CAND1: variants seen among roughly 807,000 people sequenced by gnomAD.
CAND1 encodes cullin associated and neddylation dissociated 1.
Under a neutral mutation model 108.5 loss-of-function variants are expected in CAND1, and 7 were observed. That is an observed-to-expected ratio of 0.06 (90% CI 0.04 to 0.12). CAND1 has a LOEUF of 0.12. CAND1 is among the 10% of genes least tolerant of loss of function. The pLI, the probability that CAND1 is intolerant of heterozygous loss-of-function variation, is 1.00. For synonymous variants in CAND1, 534 were observed against 512.0 expected (o/e 1.04, Z -0.58); for missense variants, 941 against 1,448.7 (o/e 0.65, Z 5.69).
intron 9 of CAND1, 123 bp downstream of exon 9, chr12:67,304,869 C>G: frequency 1.4e-5 from 16 of 1,173,516 alleles, no homozygotes; most frequent in Non-Finnish European, 1.8e-5. Flanking sequence ...GCACATAGAG[C>G]TAACTTTTTA....
chr12:67,311,551 T>TCAAACCA, intron 13 of CAND1, 142 bp from the exon 14 acceptor site: 1 of 592,650 alleles, frequency 1.7e-6, no homozygotes, highest in Non-Finnish European at 3.0e-6. Flanking sequence ...CAAATCTGTC[T>TCAAACCA]GATTCTGATT....
At chr12:67,293,489 C>A (rs377517541) in intron 3 of CAND1, among the ~76,000 whole-genome samples, 2 of 152,212 alleles carry the variant, frequency 1.3e-5, no homozygotes, top group African/African-American at 4.8e-5. Context: ...CGAGGTGGCT[C>A]ACGCCTATAA....
chr12:67,295,988 T>C (rs1171825499), intron 4 of CAND1, among the ~76,000 whole-genome samples: 1 of 152,172 alleles, frequency 6.6e-6, no homozygotes, highest in Non-Finnish European at 1.5e-5. Context: ...TTTTGAAGAA[T>C]GGGTAGCCCT....
intron 2 of CAND1, among the ~76,000 whole-genome samples, chr12:67,286,989 C>T (rs978017081): frequency 1.3e-5 from 2 of 152,150 alleles, no homozygotes; most frequent in Non-Finnish European, 2.9e-5. Context: ...TTTTTAGATG[C>T]TGTTTTGTTC....
chr12:67,274,988 G>A (rs755127678), intron 1 of CAND1, among the ~76,000 whole-genome samples: 5 of 152,082 alleles, frequency 3.3e-5, no homozygotes, highest in Non-Finnish European at 5.9e-5. Flanking sequence ...GGTTTAATCA[G>A]AAGAAATAGA....
chr12:67,281,234 G>A (rs2044617118), intron 1 of CAND1, among the ~76,000 whole-genome samples: 1 of 151,918 alleles, frequency 6.6e-6, no homozygotes, highest in South Asian at 2.1e-4. Context: ...AGAGGCTGAG[G>A]CAGGAAAATA....
chr12:67,285,276 A>T (rs2044659580), intron 2 of CAND1, among the ~76,000 whole-genome samples: 1 of 152,184 alleles, frequency 6.6e-6, no homozygotes, highest in Admixed American at 6.5e-5. Flanking sequence ...AAGATACAAA[A>T]ATGTACTTGA....
At chr12:67,292,019 T>C (rs1252418) in intron 2 of CAND1, among the ~76,000 whole-genome samples, 113,126 of 151,994 alleles carry the variant, frequency 0.74, 43,053 homozygotes, top group African/African-American at 0.9. Context: ...ATACCAGCAA[T>C]GCCCAGCTAA....
intron 1 of CAND1, among the ~76,000 whole-genome samples, chr12:67,271,931 ATAAT>A (rs796916725): frequency 2.5e-4 from 38 of 152,346 alleles, no homozygotes; most frequent in African/African-American, 8.7e-4. Context: ...CAGACATTTA[ATAAT>A]TAATTAGTGA....
intron 5 of CAND1, 38 bp from the exon 6 acceptor site, chr12:67,297,710 T>G: frequency 6.3e-7 from 1 of 1,579,292 alleles, no homozygotes; most frequent in Non-Finnish European, 8.6e-7. Context: ...TTAAAAAAAT[T>G]AATGCATGTT....
intron 10 of CAND1, 87 bp downstream of exon 10, chr12:67,306,684 T>C: frequency 9.8e-7 from 1 of 1,017,154 alleles, no homozygotes; most frequent in Non-Finnish European, 1.4e-6. Flanking sequence ...TTAAGCCATG[T>C]CTATATTTTC....
intron 4 of CAND1, among the ~76,000 whole-genome samples, chr12:67,296,258 A>G (rs530637720): frequency 6.6e-6 from 1 of 152,178 alleles, no homozygotes; most frequent in Non-Finnish European, 1.5e-5. Flanking sequence ...ATTGAACTAT[A>G]CATTTGAGAT....
chr12:67,301,923 C>A (rs2044828383), intron 7 of CAND1, among the ~76,000 whole-genome samples: 1 of 152,044 alleles, frequency 6.6e-6, no homozygotes, highest in South Asian at 2.1e-4. Flanking sequence ...TGATTGTTTG[C>A]TTGATTTTTC....
chr12:67,302,274 A>G, intron 7 of CAND1, 49 bp from the exon 8 acceptor site: 1 of 1,498,314 alleles, frequency 6.7e-7, no homozygotes, highest in Non-Finnish European at 9.1e-7. Context: ...TTTAAATGAT[A>G]TACTTCTCTT....
Position 67,310,040 on chromosome 12 carries a change from A to G in CAND1, c.3165A>G (p.Glu1055=). The change falls in exon 12 of 15, where the codon GAA becomes GAG. Residue 1055 remains glutamate, a synonymous_variant. Coordinates refer to ENST00000545606, the MANE Select transcript of CAND1 (RefSeq NM_018448.5). ...LDTVLPHLYN[E]TKVRKELIRE... ...CTGTTCTTCCACATCTTTACAATGA[A>G]ACAAAAGTTAGAAAGGAGCTTATAA... 6.2e-7 allele frequency: 1 copy of G among 1,612,084 alleles called. No homozygotes were observed.
intron 7 of CAND1, 113 bp from the exon 8 acceptor site, chr12:67,302,210 T>TTACC: frequency 5.5e-6 from 5 of 901,356 alleles, no homozygotes; most frequent in Non-Finnish European, 8.5e-6. Flanking sequence ...GCTGTATATG[T>TTACC]TACCGGAAAG....
At chr12:67,291,863 G>C (rs566454917) in intron 2 of CAND1, among the ~76,000 whole-genome samples, 1 of 151,954 alleles carries the variant, frequency 6.6e-6, no homozygotes, top group East Asian at 1.9e-4. Context: ...CTCCTAATTC[G>C]CCTATTGATT....
chr12:67,275,463 G>A (rs2044560359), intron 1 of CAND1, among the ~76,000 whole-genome samples: 1 of 151,978 alleles, frequency 6.6e-6, no homozygotes, highest in Admixed American at 6.5e-5. Context: ...CGAGGCAGAG[G>A]TTGCGTGAGC....
At position 67,304,675 on chromosome 12, in the gene CAND1, T is replaced by G. The variant is rs778219869; in HGVS notation, c.1364T>G (p.Phe455Cys). The change falls in exon 9 of 15, where the codon TTT becomes TGT. Residue 455 changes from phenylalanine (F) to cysteine (C), a missense_variant. Phe to Cys is a radical substitution (Grantham distance 205). Coordinates refer to ENST00000545606, the MANE Select transcript of CAND1 (RefSeq NM_018448.5). ...EKSVKTRQCC[F>C]NMLTELVNVL... ...AGTGTGAAGACCCGACAGTGTTGTT[T>G]TAACATGTTAACTGAGCTGGTAAAT... 2 of 1,613,854 alleles carry G rather than the reference T, an allele frequency of 1.2e-6. No individual in the cohort carries two copies. Among genetic ancestry groups the G allele is most frequent in the Non-Finnish European group, 1.7e-6 (2 of 1,179,960 alleles).
Sources: gnomAD v4.1 joint callset for allele counts (sites outside exome capture counted in the v4.1 genomes callset) on GRCh38, gnomAD v4.1.1 for gene constraint, MANE v1.5 for transcripts, NCBI Gene and HGNC (gene_info 2026-07-23, HGNC 2026-07-21) for gene names.